CSMD1: variants seen among roughly 807,000 people sequenced by gnomAD.
CSMD1 encodes the protein CUB and Sushi multiple domains 1, also known as CUB and sushi domain-containing protein 1.
CSMD1 carries 213 observed loss-of-function variants against 417.5 expected under a neutral mutation model. The ratio of observed to expected loss-of-function variants is 0.51; its 90% CI spans 0.46 to 0.57. CSMD1 has a LOEUF of 0.57. Ranked by LOEUF, CSMD1 falls within the 20% of genes least tolerant of loss-of-function variation. The probability of loss-of-function intolerance (pLI) is 0.00; values close to 1 mark genes in which losing one functional copy is unlikely to be tolerated. For synonymous variants in CSMD1, 2,862 were observed against 1,736.8 expected, an observed-to-expected ratio of 1.65 and a Z score of -16.11; for missense variants, 6,923 against 4,529.7, an observed-to-expected ratio of 1.53 and a Z score of -15.17.
intron 5 of CSMD1, among the ~76,000 whole-genome samples, chr8:3,792,854 A>C (rs1799827233): frequency 1.3e-5 from 2 of 152,288 alleles, no homozygotes; most frequent in South Asian, 4.1e-4. Flanking sequence ...CACAGGATGA[A>C]ATTTTAAGTC....
intron 3 of CSMD1, among the ~76,000 whole-genome samples, chr8:4,192,428 A>T (rs1374291925): frequency 2.0e-5 from 3 of 152,054 alleles, no homozygotes; most frequent in Non-Finnish European, 4.4e-5. Context: ...CCACCATCAG[A>T]ATTATACCTT....
chr8:3,024,302 G>C (rs1203665130), intron 51 of CSMD1, among the ~76,000 whole-genome samples: 3 of 149,316 alleles, frequency 2.0e-5, no homozygotes, highest in Admixed American at 6.7e-5. Flanking sequence ...TTTTTGGGGG[G>C]GGAGGGCAGT....
chr8:4,216,183 G>C (rs1800656668), intron 3 of CSMD1, among the ~76,000 whole-genome samples: 1 of 152,128 alleles, frequency 6.6e-6, no homozygotes, highest in Non-Finnish European at 1.5e-5. Context: ...GACACTTGTG[G>C]CTTTGTCAAC....
At chr8:4,414,858 G>C (rs767729794) in intron 3 of CSMD1, among the ~76,000 whole-genome samples, 1 of 152,276 alleles carries the variant, frequency 6.6e-6, no homozygotes, top group African/African-American at 2.4e-5. Flanking sequence ...AATGGCCAGA[G>C]AGTAGGCATA....
At chr8:3,110,074 G>T in intron 43 of CSMD1, 84 bp downstream of exon 43, 1 of 1,117,316 alleles carries the variant, frequency 9.0e-7, no homozygotes, top group Non-Finnish European at 1.2e-6. Context: ...CTAAATATGT[G>T]CCTTGTATAT....
At chr8:3,669,979 G>C (rs142670826) in intron 7 of CSMD1, among the ~76,000 whole-genome samples, 1 of 152,242 alleles carries the variant, frequency 6.6e-6, no homozygotes, top group African/African-American at 2.4e-5. Context: ...ATTATTTTAA[G>C]CTATCAGGTG....
At chr8:3,294,615 G>T (rs1207226716) in intron 25 of CSMD1, among the ~76,000 whole-genome samples, 2 of 152,186 alleles carry the variant, frequency 1.3e-5, no homozygotes, top group Non-Finnish European at 2.9e-5. Context: ...AGGACCCTCT[G>T]AGTCATGCAC....
chr8:3,756,090 C>G (rs1205781142), intron 5 of CSMD1, among the ~76,000 whole-genome samples: 3 of 152,060 alleles, frequency 2.0e-5, no homozygotes, highest in Admixed American at 6.6e-5. Context: ...GGCGCAGTGG[C>G]TCACACCTCT....
intron 9 of CSMD1, among the ~76,000 whole-genome samples, chr8:3,581,148 A>T (rs1800366011): frequency 6.6e-6 from 1 of 152,168 alleles, no homozygotes; most frequent in African/African-American, 2.4e-5. Flanking sequence ...GCCCCTAAAG[A>T]CTGATGGAAT....
chr8:4,655,672 T>C (rs1470016914), intron 1 of CSMD1, among the ~76,000 whole-genome samples: 8 of 151,974 alleles, frequency 5.3e-5, no homozygotes, highest in Non-Finnish European at 1.2e-4. Flanking sequence ...GAAAAGTCAA[T>C]ATAATGGAAA....
chr8:3,604,378 G>A (rs750751437), intron 8 of CSMD1, among the ~76,000 whole-genome samples: 10 of 152,044 alleles, frequency 6.6e-5, no homozygotes, highest in Admixed American at 2.0e-4. Context: ...GTGATGCTCC[G>A]AATCTTAAGA....
At chr8:3,724,824 C>T (rs889694380) in intron 6 of CSMD1, among the ~76,000 whole-genome samples, 1 of 152,208 alleles carries the variant, frequency 6.6e-6, no homozygotes, top group African/African-American at 2.4e-5. Context: ...TAGGTATTTT[C>T]TTATCACATT....
At chr8:3,697,698 T>G (rs1477753064) in intron 7 of CSMD1, among the ~76,000 whole-genome samples, 1 of 152,184 alleles carries the variant, frequency 6.6e-6, no homozygotes, top group Non-Finnish European at 1.5e-5. Context: ...CCTCATCCAA[T>G]TACATAGGAA....
At chr8:4,910,652 A>G (rs1179438026) in intron 1 of CSMD1, among the ~76,000 whole-genome samples, 1 of 152,258 alleles carries the variant, frequency 6.6e-6, no homozygotes, top group African/African-American at 2.4e-5. Context: ...ATTAGATTTT[A>G]ACATATTAAT....
intron 11 of CSMD1, chr8:3,469,103 C>A (rs1012205251): frequency 1.4e-5 from 4 of 280,616 alleles, no homozygotes; most frequent in African/African-American, 4.4e-5. Context: ...TTTCCTGGAA[C>A]CGAGAGGCTT....
intron 1 of CSMD1, among the ~76,000 whole-genome samples, chr8:4,916,811 A>T (rs896229930): frequency 6.6e-6 from 1 of 152,246 alleles, no homozygotes; most frequent in Admixed American, 6.5e-5. Flanking sequence ...TATTAAAAGT[A>T]GATAATGCAT....
intron 2 of CSMD1, among the ~76,000 whole-genome samples, chr8:4,555,195 G>A (rs536183012): frequency 6.6e-6 from 1 of 152,176 alleles, no homozygotes; most frequent in East Asian, 1.9e-4. Flanking sequence ...CAGATTGGTA[G>A]GAATAAGAAT....
chr8:4,853,860 C>T lies in CSMD1; in HGVS notation c.85+140472G>A, dbSNP rs147249973. On this transcript the variant is annotated intron_variant, in intron 1 of 69. Coordinates refer to ENST00000635120, the MANE Select transcript of CSMD1 (RefSeq NM_033225.6). ...TCCTTGCAGTAGTGTGACCTGGATGCAGGACATACAGTCAAAGGAGATAAT... is the reference window on the plus strand; with the variant it reads ...TCCTTGCAGTAGTGTGACCTGGATGTAGGACATACAGTCAAAGGAGATAAT... 3.2e-4 allele frequency among the ~76,000 whole-genome samples: 49 copies of T among 152,304 alleles called. 1 individual carries two copies. The East Asian group carries it at 9.3e-3, about 29-fold the overall frequency.
intron 23 of CSMD1, among the ~76,000 whole-genome samples, chr8:3,318,663 A>C (rs757098996): frequency 6.6e-6 from 1 of 152,230 alleles, no homozygotes; most frequent in Non-Finnish European, 1.5e-5. Flanking sequence ...TGGAGGTATT[A>C]TAGCAGGTGC....
Sources: allele counts gnomAD v4.1 joint callset (sites outside exome capture counted in the v4.1 genomes callset), GRCh38; gene constraint gnomAD v4.1.1; transcripts MANE v1.5; gene names NCBI Gene and HGNC (gene_info 2026-07-23, HGNC 2026-07-21).